The following COL27A1 variants were observed in gnomAD, a reference collection of about 807,000 sequenced individuals.
COL27A1 encodes the protein collagen alpha-1(XXVII) chain.
In COL27A1, 106 loss-of-function variants were observed where a neutral mutation model predicts 251.3. The ratio of observed to expected loss-of-function variants is 0.42; its 90% confidence interval spans 0.36 to 0.50. The LOEUF is 0.50. COL27A1 is among the 20% of genes least tolerant of loss of function. The probability of loss-of-function intolerance (pLI) is 0.00; values close to 1 mark genes in which losing one functional copy is unlikely to be tolerated. For missense variants in COL27A1, 2,325 were observed against 2,522.8 expected (o/e 0.92, Z 1.68); for synonymous variants, 1,000 against 986.3 (o/e 1.01, Z -0.26).
At chr9:114,261,253 C>T (rs1339595489) in intron 28 of COL27A1, among the ~76,000 whole-genome samples, 1 of 152,214 alleles carries the variant, frequency 6.6e-6, no homozygotes, top group Non-Finnish European at 1.5e-5. Context: ...GCCTGATCCC[C>T]AGGCCTGGCT....
chr9:114,252,489 C>CCCTA (rs1833607890), intron 25 of COL27A1, 104 bp from the exon 26 acceptor site: 1 of 950,434 alleles, frequency 1.1e-6, no homozygotes, highest in East Asian at 2.4e-5. Flanking sequence ...TTGAGCAAAC[C>CCCTA]CCTACCTCTC....
At chr9:114,176,596 C>G (rs774079426) in intron 3 of COL27A1, among the ~76,000 whole-genome samples, 12 of 152,034 alleles carry the variant, frequency 7.9e-5, no homozygotes, top group Non-Finnish European at 1.2e-4. Flanking sequence ...TACTCTACTG[C>G]CCAGAGACAG....
In COL27A1 at chr9:114,243,686, G is replaced by A. The variant is rs1474011560; in HGVS notation, c.2934+126G>A. 9.9e-6 allele frequency: 7 copies of A among 710,276 alleles called. No homozygotes were observed. The African/African-American group carries it at 1.1e-4, about 11-fold the overall frequency. The allele number at this position is 710,276 out of a possible 1,614,324, so 44.0% of individuals were successfully genotyped here. A position where few individuals can be genotyped will look rare whatever the true frequency, so the allele number is the denominator to read the frequency against. On this transcript the variant is annotated intron_variant, in intron 23 of 60. Transcript: ENST00000356083. ...GGAGAAAAAAATTGGTTCCTGTTTA[G>A]AACAAAGTATTGGTAAGGGAGAAAA...
intron 21 of COL27A1, 59 bp downstream of exon 21, chr9:114,240,546 C>T (rs1832690001): frequency 4.6e-6 from 7 of 1,526,334 alleles, no homozygotes; most frequent in Non-Finnish European, 6.3e-6. Context: ...CCCCAGCCTG[C>T]CCTGTCCTGG....
intron 13 of COL27A1, 142 bp downstream of exon 13, chr9:114,219,986 T>G: frequency 1.5e-6 from 1 of 671,456 alleles, no homozygotes; most frequent in Non-Finnish European, 2.7e-6. Flanking sequence ...CTTGGACAAA[T>G]TACATGACGT....
At chr9:114,309,655 C>T (rs1412588493) in intron 60 of COL27A1, among the ~76,000 whole-genome samples, 177 bp downstream of exon 60, 1 of 152,094 alleles carries the variant, frequency 6.6e-6, no homozygotes, top group African/African-American at 2.4e-5. Flanking sequence ...ATCGTTTTTA[C>T]TCACTTTCCT....
At chr9:114,228,946 C>T (rs139884675) in intron 14 of COL27A1, among the ~76,000 whole-genome samples, 128 of 152,200 alleles carry the variant, frequency 8.4e-4, no homozygotes, top group African/African-American at 3.0e-3. Flanking sequence ...TTCAGCCTCC[C>T]GAGTAGCTGG....
At chr9:114,161,954 C>T (rs1198816970) in intron 1 of COL27A1, among the ~76,000 whole-genome samples, 1 of 152,134 alleles carries the variant, frequency 6.6e-6, no homozygotes, top group African/African-American at 2.4e-5. Flanking sequence ...TCCTCATGCC[C>T]GGCCTGTGAG....
intron 7 of COL27A1, among the ~76,000 whole-genome samples, chr9:114,198,295 G>C (rs1216234048): frequency 1.3e-5 from 2 of 152,180 alleles, no homozygotes; most frequent in African/African-American, 2.4e-5. Flanking sequence ...TGGGGGTGTG[G>C]GGAGACAGAA....
At chr9:114,235,558 C>G (rs373387387) in intron 16 of COL27A1, 41 bp from the exon 17 acceptor site, 1 of 1,544,672 alleles carries the variant, frequency 6.5e-7, no homozygotes, top group East Asian at 2.2e-5. Flanking sequence ...CCAGAACCCA[C>G]GTGGCCTCCA....
intron 12 of COL27A1, among the ~76,000 whole-genome samples, chr9:114,215,073 T>C (rs1361310316): frequency 6.6e-6 from 1 of 152,234 alleles, no homozygotes; most frequent in East Asian, 1.9e-4. Context: ...TGGCCAGGAC[T>C]GCCAAGGCTG....
rs564530284 is a variant in COL27A1 at position 114,270,987 on chromosome 9, G to T, written c.3609+206G>T. On this transcript the variant is annotated intron_variant, in intron 36 of 60. Coordinates refer to ENST00000356083, the MANE Select transcript of COL27A1 (RefSeq NM_032888.4). ...CCCTCTGCACTACCTGCTCAGGTGG[G>T]ACCAGGGCCATCACCACCTTCCAGT... 7.9e-5 allele frequency: 43 copies of T among 543,088 alleles called. No homozygotes were observed. The East Asian group carries it at 1.4e-3, about 18-fold the overall frequency. 33.6% of individuals were successfully genotyped at this position (543,088 alleles called of 1,614,324 possible). A position where few individuals can be genotyped will look rare whatever the true frequency, so the allele number is the denominator to read the frequency against.
At chr9:114,306,276 G>T in intron 57 of COL27A1, 1 of 446,694 alleles carries the variant, frequency 2.2e-6, no homozygotes, top group Admixed American at 3.8e-5. Context: ...TCCCATATCA[G>T]AGAACATGGT....
chr9:114,309,798 C>A (rs1829323195), intron 60 of COL27A1, among the ~76,000 whole-genome samples: 2 of 152,148 alleles, frequency 1.3e-5, no homozygotes, highest in Admixed American at 6.5e-5. Context: ...AGGCTAATTT[C>A]TTCTCATTAT....
chr9:114,227,883 T>G (rs1462359237), intron 14 of COL27A1, among the ~76,000 whole-genome samples: 2 of 152,174 alleles, frequency 1.3e-5, no homozygotes, highest in Non-Finnish European at 2.9e-5. Context: ...AGACGGCTGC[T>G]CTGCAAGCTG....
At chr9:114,165,199 C>A (rs1269306293) in intron 2 of COL27A1, among the ~76,000 whole-genome samples, 1 of 152,164 alleles carries the variant, frequency 6.6e-6, no homozygotes, top group African/African-American at 2.4e-5. Flanking sequence ...TAAATTTTGG[C>A]CTTCTGACTC....
intron 59 of COL27A1, 30 bp downstream of exon 59, chr9:114,307,808 G>A (rs1829164552): frequency 6.5e-7 from 1 of 1,535,742 alleles, no homozygotes; most frequent in African/African-American, 1.4e-5. Context: ...CTGCCCACCA[G>A]GCTGTCTGCC....
intron 7 of COL27A1, among the ~76,000 whole-genome samples, chr9:114,202,013 T>C (rs918905659): frequency 5.9e-5 from 9 of 152,108 alleles, no homozygotes; most frequent in African/African-American, 1.7e-4. Flanking sequence ...AACTGGCAAA[T>C]GTGTATGGTA....
chr9:114,294,226 C>T (rs1386156851), intron 49 of COL27A1, among the ~76,000 whole-genome samples: 7 of 127,206 alleles, frequency 5.5e-5, no homozygotes, highest in South Asian at 2.5e-4. Flanking sequence ...CCAGCCTGGG[C>T]GACAGGGAGA....
Sources: gnomAD v4.1 joint callset for allele counts (sites outside exome capture counted in the v4.1 genomes callset) on GRCh38, gnomAD v4.1.1 for gene constraint, MANE v1.5 for transcripts, NCBI Gene and HGNC (gene_info 2026-07-23, HGNC 2026-07-21) for gene names.